Variants in CD200R1 observed in about 807,000 individuals in gnomAD.
The protein encoded by CD200R1 is cell surface glycoprotein CD200 receptor 1.
In CD200R1, 30 loss-of-function variants were observed where a neutral mutation model predicts 38.1. The ratio of observed to expected loss-of-function variants is 0.79; its 90% CI spans 0.59 to 1.07. CD200R1 has a LOEUF of 1.07. Ranked by LOEUF, CD200R1 falls within the 50% of genes least tolerant of loss-of-function variation. The pLI is 0.00. For missense variants in CD200R1, 372 were observed against 415.4 expected (o/e 0.90, Z 0.91); for synonymous variants, 128 against 152.1 (o/e 0.84, Z 1.16).
In CD200R1 at chr3:112,948,882, G is replaced by T. The variant is rs1940919623; in HGVS notation, c.68-958C>A. On this transcript the variant is annotated intron_variant, in intron 1 of 7. Coordinates refer to ENST00000308611, the MANE Select transcript of CD200R1 (RefSeq NM_138806.4). ...TCCAAGAGCTTAAGATCCAGGAGAG[G>T]CAGTAGCTAGGGAAACAATTATAAT... Among the ~76,000 whole-genome samples, 5 of 152,196 alleles carry T rather than the reference G, an allele frequency of 3.3e-5. No individual in the cohort carries two copies. In the South Asian group the frequency reaches 1.0e-3, roughly 32 times the overall value.
At chr3:112,959,472 A>G (rs1184211325) in intron 1 of CD200R1, among the ~76,000 whole-genome samples, 1 of 152,136 alleles carries the variant, frequency 6.6e-6, no homozygotes, top group Non-Finnish European at 1.5e-5. Context: ...ACATTTCTTT[A>G]TAGGACTTGG....
At chr3:112,959,329 T>C (rs1932959959) in intron 1 of CD200R1, among the ~76,000 whole-genome samples, 1 of 152,166 alleles carries the variant, frequency 6.6e-6, no homozygotes, top group African/African-American at 2.4e-5. Context: ...AGGAGTCTGA[T>C]AAATGAACTT....
intron 1 of CD200R1, among the ~76,000 whole-genome samples, chr3:112,965,634 G>A (rs936829621): frequency 2.0e-5 from 3 of 152,086 alleles, no homozygotes; most frequent in South Asian, 4.1e-4. Flanking sequence ...AGTGGCGCAC[G>A]CCTGTAGTCC....
At chr3:112,929,594 G>T in intron 3 of CD200R1, 87 bp from the exon 4 acceptor site, 1 of 1,204,682 alleles carries the variant, frequency 8.3e-7, no homozygotes, top group Non-Finnish European at 1.1e-6. Context: ...AGTTACACTA[G>T]AACATAACTT....
intron 2 of CD200R1, among the ~76,000 whole-genome samples, chr3:112,937,596 C>G (rs984842063): frequency 6.6e-6 from 1 of 152,070 alleles, no homozygotes; most frequent in Non-Finnish European, 1.5e-5. Flanking sequence ...TACTGTAGCC[C>G]TATAGTATAG....
At chr3:112,973,163 C>A (rs1933351637) in intron 1 of CD200R1, among the ~76,000 whole-genome samples, 1 of 152,060 alleles carries the variant, frequency 6.6e-6, no homozygotes, top group African/African-American at 2.4e-5. Flanking sequence ...CCAGGAGTAA[C>A]AGTGCAATTT....
intron 2 of CD200R1, among the ~76,000 whole-genome samples, chr3:112,944,393 T>G (rs1164280126): frequency 2.0e-5 from 3 of 151,884 alleles, no homozygotes; most frequent in Admixed American, 6.6e-5. Flanking sequence ...ATATGATCAT[T>G]TCCATAGATA....
intron 1 of CD200R1, among the ~76,000 whole-genome samples, chr3:112,966,446 G>T (rs1933164255): frequency 6.6e-6 from 1 of 152,072 alleles, no homozygotes; most frequent in East Asian, 1.9e-4. Flanking sequence ...ATTTTGTGAA[G>T]AATAAAAATA....
In CD200R1 at chr3:112,937,774, T is replaced by C. The variant is rs183963806; in HGVS notation, c.137-6603A>G. Among the ~76,000 whole-genome samples the C allele has an allele frequency of 4.9e-3, 747 of 152,244 alleles. 6 individuals are homozygous for C. The highest frequency in any genetic ancestry group is 0.017 in the African/African-American group (692 of 41,560). On this transcript the variant is annotated intron_variant, in intron 2 of 7. Coordinates refer to ENST00000308611, the MANE Select transcript of CD200R1 (RefSeq NM_138806.4). The stretch of plus-strand genomic sequence containing the variant: ...GGAATAGCACTGAATCTATAAACTA[T>C]TTTGGGCAGTATGGTCATTTTCACA...
At chr3:112,965,924 T>C (rs940960489) in intron 1 of CD200R1, among the ~76,000 whole-genome samples, 12 of 151,866 alleles carry the variant, frequency 7.9e-5, no homozygotes, top group African/African-American at 2.9e-4. Flanking sequence ...TTTAAAGAGA[T>C]TGATATTTCA....
intron 2 of CD200R1, among the ~76,000 whole-genome samples, chr3:112,936,225 T>C (rs7355890): frequency 0.61 from 92,702 of 152,142 alleles, 28,717 homozygotes; most frequent in African/African-American, 0.72. Context: ...TAGGTTGACT[T>C]CATGTCTTTG....
At chr3:112,959,338 T>C (rs1269064937) in intron 1 of CD200R1, among the ~76,000 whole-genome samples, 1 of 152,122 alleles carries the variant, frequency 6.6e-6, no homozygotes. Context: ...ATAAATGAAC[T>C]TCAAACTGAA....
chr3:112,933,537 C>A (rs1487446337), intron 2 of CD200R1, among the ~76,000 whole-genome samples: 19 of 152,072 alleles, frequency 1.2e-4, no homozygotes, highest in Admixed American at 1.2e-3. Flanking sequence ...ACAATTGCAC[C>A]AGATATGTAG....
intron 5 of CD200R1, 108 bp downstream of exon 5, chr3:112,928,708 G>C: frequency 6.3e-6 from 5 of 793,448 alleles, no homozygotes; most frequent in South Asian, 1.9e-5. Context: ...TAAAAATGAA[G>C]AGTGGGGAGA....
intron 1 of CD200R1, among the ~76,000 whole-genome samples, chr3:112,960,744 G>A (rs1478464331): frequency 6.6e-6 from 1 of 151,914 alleles, no homozygotes; most frequent in Non-Finnish European, 1.5e-5. Flanking sequence ...GAGGTTGGGG[G>A]ATATAACTGG....
intron 1 of CD200R1, among the ~76,000 whole-genome samples, chr3:112,953,287 C>T (rs769916925): frequency 6.6e-6 from 1 of 152,134 alleles, no homozygotes; most frequent in Non-Finnish European, 1.5e-5. Flanking sequence ...ATCCTTACAT[C>T]CCTGGGATGG....
chr3:112,939,826 C>A lies in CD200R1; in HGVS notation c.136+8030G>T, dbSNP rs560313488. Among the ~76,000 whole-genome samples, 3 of 147,012 alleles carry A rather than the reference C, an allele frequency of 2.0e-5. No individual in the cohort carries two copies. In the South Asian group the frequency reaches 6.6e-4, roughly 32 times the overall value. Reference sequence around the variant, plus strand: ...GAAATTTACATGGAACCACAAAAGACCCGAAACAGCCAAAGCCCATACTGA... The same window carrying A: ...GAAATTTACATGGAACCACAAAAGAACCGAAACAGCCAAAGCCCATACTGA... On this transcript the variant is annotated intron_variant, in intron 2 of 7. Transcript: ENST00000308611.
Position 112,925,068 on chromosome 3 carries a change from C to T in CD200R1, c.878+17G>A. On this transcript the variant is annotated intron_variant, in intron 6 of 7. Coordinates refer to ENST00000308611, the MANE Select transcript of CD200R1 (RefSeq NM_138806.4). ...CTAATAAAGCTGAAGAAGAAAAAAA[C>T]ATTCATTAGTCAATACCTGCAGCCA... The T allele has an allele frequency of 7.0e-7, 1 of 1,429,812 alleles. No individual in the cohort carries two copies. The highest frequency in any genetic ancestry group is 9.9e-7 in the Non-Finnish European group (1 of 1,014,874). The allele number at this position is 1,429,812 out of a possible 1,614,324, so 88.6% of individuals were successfully genotyped here. A position where few individuals can be genotyped will look rare whatever the true frequency, so the allele number is the denominator to read the frequency against.
intron 1 of CD200R1, among the ~76,000 whole-genome samples, chr3:112,953,402 G>A (rs1941013920): frequency 6.6e-6 from 1 of 152,122 alleles, no homozygotes; most frequent in Admixed American, 6.5e-5. Context: ...AGGGATATTG[G>A]CCTGTAGTTT....
Sources: allele counts gnomAD v4.1 joint callset (sites outside exome capture counted in the v4.1 genomes callset), GRCh38; gene constraint gnomAD v4.1.1; transcripts MANE v1.5; gene names NCBI Gene and HGNC (gene_info 2026-07-23, HGNC 2026-07-21).